Variants in SBF2 observed in about 807,000 individuals in gnomAD.
SBF2 encodes the protein SET binding factor 2, also known as myotubularin-related protein 13.
In SBF2, 112 loss-of-function variants were observed where a neutral mutation model predicts 225.2. That is an observed-to-expected ratio of 0.50 (90% CI 0.43 to 0.58). The LOEUF is 0.58. SBF2 is among the 20% of genes least tolerant of loss of function. SBF2 has a pLI of 0.00. For missense variants in SBF2, 1,996 were observed against 2,206.2 expected (o/e 0.90, Z 1.91); for synonymous variants, 763 against 773.3 (o/e 0.99, Z 0.22).
chr11:9,878,472 C>T (rs1222167029), intron 17 of SBF2, among the ~76,000 whole-genome samples: 4 of 152,124 alleles, frequency 2.6e-5, no homozygotes, highest in African/African-American at 9.7e-5. Flanking sequence ...CTTGCCCATG[C>T]CAATGGCCTG....
intron 1 of SBF2, among the ~76,000 whole-genome samples, chr11:10,255,590 C>T (rs2135498482): frequency 6.6e-6 from 1 of 152,300 alleles, no homozygotes; most frequent in South Asian, 2.1e-4. Context: ...CACTATTAGG[C>T]TTTCCTAGTG....
intron 27 of SBF2, among the ~76,000 whole-genome samples, chr11:9,831,293 C>T (rs1344623991): frequency 6.6e-6 from 1 of 152,250 alleles, no homozygotes; most frequent in African/African-American, 2.4e-5. Context: ...GCCATTGCAC[C>T]TGGCCCCTTC....
intron 1 of SBF2, among the ~76,000 whole-genome samples, chr11:10,259,036 C>G (rs2135507632): frequency 6.6e-6 from 1 of 152,272 alleles, no homozygotes; most frequent in Admixed American, 6.5e-5. Context: ...GAACCTAGTC[C>G]TTGGACTTCT....
At position 10,017,063 on chromosome 11, in the gene SBF2, T is replaced by C. The variant is rs369094187; in HGVS notation, c.619+11389A>G. On this transcript the variant is annotated intron_variant, in intron 6 of 39. Transcript: ENST00000256190. ...AGCGATTTCACTACAATGATACATA[T>C]ACATCCTGTTGATTATTCAAAGAGT... 34 of 152,332 alleles carry C rather than the reference T, an allele frequency of 2.2e-4. 2 individuals carry two copies. Among genetic ancestry groups the C allele is most frequent in the African/African-American group, 7.7e-4 (32 of 41,576 alleles). 9.4% of individuals were successfully genotyped at this position (152,332 alleles called of 1,614,324 possible). A position where few individuals can be genotyped will look rare whatever the true frequency, so the allele number is the denominator to read the frequency against.
intron 2 of SBF2, among the ~76,000 whole-genome samples, chr11:10,047,676 T>C (rs368083349): frequency 1.1e-4 from 16 of 152,204 alleles, no homozygotes; most frequent in African/African-American, 3.6e-4. Flanking sequence ...CTACCTTGTA[T>C]GAGTCTAGAG....
At chr11:10,134,530 G>C (rs1954253466) in intron 2 of SBF2, among the ~76,000 whole-genome samples, 1 of 152,138 alleles carries the variant, frequency 6.6e-6, no homozygotes, top group South Asian at 2.1e-4. Context: ...AAAATCAAAA[G>C]CAAGTTTATT....
At chr11:10,058,922 G>C (rs913945985) in intron 2 of SBF2, among the ~76,000 whole-genome samples, 1 of 152,146 alleles carries the variant, frequency 6.6e-6, no homozygotes, top group African/African-American at 2.4e-5. Flanking sequence ...CTTCCTATAT[G>C]ATGGAGAAAT....
intron 6 of SBF2, among the ~76,000 whole-genome samples, chr11:10,005,941 A>G (rs1948169362): frequency 6.6e-6 from 1 of 152,084 alleles, no homozygotes; most frequent in African/African-American, 2.4e-5. Flanking sequence ...GGTAGGAAGG[A>G]CCTTGGAGTC....
chr11:9,840,782 G>C (rs1419678123), intron 25 of SBF2, among the ~76,000 whole-genome samples: 2 of 152,064 alleles, frequency 1.3e-5, no homozygotes, highest in Admixed American at 6.5e-5. Context: ...CTTTTTTCCT[G>C]GAAATATTTT....
intron 2 of SBF2, among the ~76,000 whole-genome samples, chr11:10,172,589 G>A (rs1389291206): frequency 2.0e-5 from 3 of 152,184 alleles, no homozygotes; most frequent in Non-Finnish European, 4.4e-5. Flanking sequence ...CTGACCTCAG[G>A]TGATCCACCG....
intron 31 of SBF2, chr11:9,808,657 G>A (rs528679535): frequency 2.7e-5 from 12 of 448,438 alleles, no homozygotes; most frequent in Non-Finnish European, 1.2e-5. Flanking sequence ...GGCTCCATCC[G>A]CAAGCCTGCA....
At chr11:10,256,689 G>A (rs1000900224) in intron 1 of SBF2, among the ~76,000 whole-genome samples, 2 of 152,122 alleles carry the variant, frequency 1.3e-5, no homozygotes, top group Admixed American at 6.5e-5. Flanking sequence ...CCTCTCCAGG[G>A]TATAGTCTCA....
Position 10,031,130 on chromosome 11 carries a change from G to A in SBF2, c.320C>T (p.Ser107Phe), listed in dbSNP as rs754308146. 5.6e-6 allele frequency: 9 copies of A among 1,613,392 alleles called. No individual in the cohort carries two copies. The highest frequency in any genetic ancestry group is 6.8e-6 in the Non-Finnish European group (8 of 1,179,658). Residue 107 changes from serine (S) to phenylalanine (F), a missense_variant, in exon 4 of 40, where the codon TCT (serine) becomes TTT (phenylalanine). Coordinates refer to ENST00000256190, the MANE Select transcript of SBF2 (RefSeq NM_030962.4). ...CACTTCTGCAGGCTGAATTAAACCA[G>A]ACACTTTTGCTTCACCTTCAATCTC... Reference protein sequence around the residue: ...KEEIEGEAKVSGLIQPAEVFA... With the variant: ...KEEIEGEAKVFGLIQPAEVFA...
intron 16 of SBF2, among the ~76,000 whole-genome samples, chr11:9,924,959 G>A (rs1255189275): frequency 6.6e-6 from 1 of 151,222 alleles, no homozygotes; most frequent in East Asian, 2.0e-4. Context: ...ATGTTGCCCA[G>A]GCTGGTCTTG....
intron 2 of SBF2, among the ~76,000 whole-genome samples, chr11:10,065,977 CCAGA>C (rs1950611119): frequency 6.6e-6 from 1 of 151,784 alleles, no homozygotes; most frequent in Non-Finnish European, 1.5e-5. Context: ...AAACAAAAAA[CCAGA>C]CAAACTACCA....
At chr11:10,061,560 A>G (rs1467808426) in intron 2 of SBF2, among the ~76,000 whole-genome samples, 1 of 152,218 alleles carries the variant, frequency 6.6e-6, no homozygotes, top group Non-Finnish European at 1.5e-5. Flanking sequence ...CGAAACCGAG[A>G]GCCAAATCAG....
intron 6 of SBF2, among the ~76,000 whole-genome samples, chr11:10,006,587 C>T (rs1384764779): frequency 1.3e-5 from 2 of 152,182 alleles, no homozygotes; most frequent in Non-Finnish European, 2.9e-5. Flanking sequence ...TGAGTTCCTA[C>T]ATCAAGCCCT....
At chr11:9,964,735 C>T (rs2134372349) in intron 14 of SBF2, among the ~76,000 whole-genome samples, 1 of 152,122 alleles carries the variant, frequency 6.6e-6, no homozygotes, top group Middle Eastern at 3.4e-3. Context: ...ACCTAGGCTA[C>T]TAAGCTAGTT....
intron 2 of SBF2, among the ~76,000 whole-genome samples, chr11:10,058,129 T>A (rs1950316059): frequency 2.0e-5 from 3 of 152,222 alleles, no homozygotes; most frequent in Non-Finnish European, 4.4e-5. Flanking sequence ...TCCAAATGAC[T>A]GCACCAGTTC....
Sources: allele counts gnomAD v4.1 joint callset (sites outside exome capture counted in the v4.1 genomes callset), GRCh38; gene constraint gnomAD v4.1.1; transcripts MANE v1.5; gene names NCBI Gene and HGNC (gene_info 2026-07-23, HGNC 2026-07-21).